The following RACK1 variants were observed in gnomAD, a reference collection of about 807,000 sequenced individuals.
The protein encoded by RACK1 is small ribosomal subunit protein RACK1.
In RACK1, 3 loss-of-function variants were observed where a neutral mutation model predicts 42.2. The ratio of observed to expected loss-of-function variants is 0.07; its 90% confidence interval spans 0.03 to 0.18. The LOEUF is 0.18. Ranked by LOEUF, RACK1 falls within the 10% of genes least tolerant of loss-of-function variation. The probability of loss-of-function intolerance (pLI) is 1.00; values close to 1 mark genes in which losing one functional copy is unlikely to be tolerated. For missense variants in RACK1, 146 were observed against 403.2 expected, an observed-to-expected ratio of 0.36 and a Z score of 5.46; for synonymous variants, 181 against 154.8, an observed-to-expected ratio of 1.17 and a Z score of -1.25.
At chr5:181,239,652 C>T (rs1759266850) in intron 3 of RACK1, 70 bp from the exon 4 acceptor site, 2 of 959,424 alleles carry the variant, frequency 2.1e-6, no homozygotes, top group Non-Finnish European at 3.3e-6. Context: ...CCCAGCCCTA[C>T]CCCTCAGTAG....
chr5:181,243,000 G>T, intron 1 of RACK1: 1 of 346,680 alleles, frequency 2.9e-6, no homozygotes, highest in East Asian at 8.0e-5. Context: ...GGCCTCCTAT[G>T]CCTACCTCTG....
At position 181,237,616 on chromosome 5, in the gene RACK1, T is replaced by C; in HGVS notation, c.881A>G (p.Asp294Gly). ...PQCTSLAWSA[D>G]GQTLFAGYTD... ...GAGGACAGACCCACTTACCTGGCCA[T>C]CAGCAGACCAGGCCAGGGAGGTGCA... Residue 294 changes from aspartate to glycine, a missense_variant, in exon 7 of 8, where the codon GAT becomes GGT. Coordinates refer to ENST00000512805, the MANE Select transcript of RACK1 (RefSeq NM_006098.5). 6.4e-7 allele frequency: 1 copy of C among 1,574,174 alleles called. No homozygotes were observed. The highest frequency in any genetic ancestry group is 8.7e-7 in the Non-Finnish European group (1 of 1,143,438).
intron 1 of RACK1, chr5:181,243,037 T>G: frequency 2.8e-6 from 1 of 355,618 alleles, no homozygotes; most frequent in South Asian, 2.1e-5. Flanking sequence ...TAGTAATGAA[T>G]GCTGGAAAAG....
chr5:181,240,825 A>C, intron 3 of RACK1: 1 of 152,206 alleles, frequency 6.6e-6, no homozygotes, highest in East Asian at 1.9e-4. Flanking sequence ...CAGCCCAGAC[A>C]AGACTTTAAA....
intron 7 of RACK1, 142 bp from the exon 8 acceptor site, chr5:181,237,184 A>C (rs1013477222): frequency 3.4e-6 from 5 of 1,474,668 alleles, no homozygotes; most frequent in Non-Finnish European, 4.6e-6. Context: ...ATCCTGGCTC[A>C]CTACAGCCTT....
rs140616174 is a variant in RACK1 at position 181,241,672 on chromosome 5, A to G, written c.282-33T>C. On this transcript the variant is annotated intron_variant, in intron 2 of 7. Coordinates refer to ENST00000512805, the MANE Select transcript of RACK1 (RefSeq NM_006098.5). ...GGAGGAGTTTGTCATTCTCAGACTT[A>G]GCAAACACTCTCATTCAACGGTCAG... 5 of 1,610,734 alleles carry G rather than the reference A, an allele frequency of 3.1e-6. No individual in the cohort carries two copies. In the African/African-American group the frequency reaches 6.7e-5, roughly 21 times the overall value.
At chr5:181,238,561 TTGGGAAGCCGAGG>T in intron 5 of RACK1, 1 of 343,954 alleles carries the variant, frequency 2.9e-6, no homozygotes, top group Non-Finnish European at 5.6e-6. Context: ...TCCCAGCACT[TTGGGAAGCCGAGG>T]TGGGCGGATC....
intron 5 of RACK1, chr5:181,238,824 C>T: frequency 2.1e-6 from 1 of 475,840 alleles, no homozygotes; most frequent in Non-Finnish European, 3.8e-6. Context: ...AACAAACAAA[C>T]AAAAAAACAA....
intron 7 of RACK1, chr5:181,237,279 C>T: frequency 2.6e-6 from 2 of 770,514 alleles, no homozygotes; most frequent in Non-Finnish European, 4.5e-6. Flanking sequence ...AGAAACCGCT[C>T]TCATTTCAAC....
chr5:181,238,192 G>A lies in RACK1; in HGVS notation c.684C>T (p.Tyr228=), dbSNP rs1249442771. The A allele has an allele frequency of 6.2e-7, 1 of 1,614,004 alleles. No individual in the cohort carries two copies. The highest frequency in any genetic ancestry group is 1.3e-5 in the African/African-American group (1 of 74,910). ...TGATGATGTCCCCACCATCTAGCGT[G>A]TAAAGGTGTTTGCCTTCGTTGAGAT... ...LWDLNEGKHL[Y]TLDGGDIINA... Residue 228 remains tyrosine (Y), a synonymous_variant, in exon 6 of 8, where the codon TAC becomes TAT. Transcript: ENST00000512805.
At chr5:181,242,016 TA>T in intron 2 of RACK1, 157 bp downstream of exon 2, 2 of 794,718 alleles carry the variant, frequency 2.5e-6, no homozygotes, top group Non-Finnish European at 4.4e-6. Flanking sequence ...CTGAGTAACT[TA>T]TTTAAAGTGA....
chr5:181,237,684 C>T lies in RACK1; in HGVS notation c.813G>A (p.Lys271=), dbSNP rs761693579. 8.7e-6 allele frequency: 14 copies of T among 1,610,608 alleles called. No homozygotes were observed. The highest frequency in any genetic ancestry group is 1.7e-5 in the Admixed American group (1 of 60,010). Residue 271 remains lysine, a synonymous_variant, in exon 7 of 8, where the codon AAG becomes AAA. Transcript: ENST00000512805. ...LEGKIIVDEL[K]QEVISTSSKA... ...TGCTGCTGGTACTGATAACTTCTTG[C>T]TTCAGTTCATCTACAATGATCTTTC...
intron 3 of RACK1, among the ~76,000 whole-genome samples, chr5:181,240,698 T>C (rs949165808): frequency 9.7e-5 from 14 of 144,454 alleles, no homozygotes; most frequent in South Asian, 4.3e-4. Flanking sequence ...AGAAAAAAAA[T>C]AAATAAAATT....
intron 1 of RACK1, chr5:181,243,351 A>G (rs1759427459): frequency 7.2e-7 from 1 of 1,380,134 alleles, no homozygotes; most frequent in Admixed American, 1.9e-5. Context: ...ACCGACACTC[A>G]GATGGCATGT....
intron 3 of RACK1, 93 bp downstream of exon 3, chr5:181,241,399 C>T: frequency 1.7e-6 from 2 of 1,162,048 alleles, no homozygotes; most frequent in Non-Finnish European, 2.4e-6. Context: ...CACTGCACTC[C>T]AGCTTGGGCA....
intron 1 of RACK1, 73 bp from the exon 2 acceptor site, chr5:181,242,418 A>G (rs1298338793): frequency 2.0e-6 from 2 of 1,024,804 alleles, no homozygotes; most frequent in Non-Finnish European, 3.0e-6. Context: ...TAATTCACTA[A>G]GTGTCAAGGT....
chr5:181,238,425 C>A, intron 5 of RACK1, 186 bp from the exon 6 acceptor site: 2 of 589,358 alleles, frequency 3.4e-6, no homozygotes, highest in South Asian at 2.2e-5. Context: ...ACCTTACCAA[C>A]CCCATCAAAA....
At chr5:181,239,305 C>G in intron 4 of RACK1, 128 bp from the exon 5 acceptor site, 1 of 773,978 alleles carries the variant, frequency 1.3e-6, no homozygotes, top group East Asian at 2.5e-5. Flanking sequence ...GTCCTGGCCA[C>G]TTCACGTTAG....
At chr5:181,240,702 T>C (rs1759311118) in intron 3 of RACK1, among the ~76,000 whole-genome samples, 1 of 144,190 alleles carries the variant, frequency 6.9e-6, no homozygotes, top group Non-Finnish European at 1.5e-5. Flanking sequence ...AAAAAATAAA[T>C]AAAATTTTGT....
Sources: gnomAD v4.1 joint callset for allele counts (sites outside exome capture counted in the v4.1 genomes callset) on GRCh38, gnomAD v4.1.1 for gene constraint, MANE v1.5 for transcripts, NCBI Gene and HGNC (gene_info 2026-07-23, HGNC 2026-07-21) for gene names.